The following ELAPOR1 variants were observed in gnomAD, a reference collection of about 807,000 sequenced individuals.
ELAPOR1 encodes endosome-lysosome associated apoptosis and autophagy regulator 1, also known as endosome/lysosome-associated apoptosis and autophagy regulator 1.
Under a neutral mutation model 119.7 loss-of-function variants are expected in ELAPOR1, and 77 were observed. The observed-to-expected ratio is 0.64, with a 90% CI of 0.54 to 0.78. The LOEUF (loss-of-function observed/expected upper bound fraction) is 0.78. ELAPOR1 is among the 30% of genes least tolerant of loss of function. The probability of loss-of-function intolerance (pLI) is 0.00; values close to 1 mark genes in which losing one functional copy is unlikely to be tolerated. For synonymous variants in ELAPOR1, 481 were observed against 487.2 expected (o/e 0.99, Z 0.17); for missense variants, 1,115 against 1,270.4 (o/e 0.88, Z 1.86).
intron 1 of ELAPOR1, among the ~76,000 whole-genome samples, chr1:109,127,215 C>CTT (rs371961969): frequency 4.6e-5 from 6 of 129,040 alleles, no homozygotes; most frequent in African/African-American, 1.1e-4. Context: ...TTTTTCTTTT[C>CTT]TTTTTTTTTT....
chr1:109,162,582 A>C (rs188589310), intron 2 of ELAPOR1, among the ~76,000 whole-genome samples: 83 of 152,292 alleles, frequency 5.5e-4, no homozygotes, highest in Middle Eastern at 3.4e-3. Context: ...ACTTTTCTAC[A>C]ATTGGCAGCT....
intron 1 of ELAPOR1, among the ~76,000 whole-genome samples, chr1:109,131,553 G>A (rs962202141): frequency 6.6e-6 from 1 of 152,118 alleles, no homozygotes. Flanking sequence ...CTCGCAGTGT[G>A]CCAGGTGCTG....
chr1:109,178,011 C>CTTT (rs61317397), intron 7 of ELAPOR1, among the ~76,000 whole-genome samples: 3,147 of 135,686 alleles, frequency 0.023, 161 homozygotes, highest in African/African-American at 0.077. Context: ...TTTTTTCTTT[C>CTTT]TTTTTTTTTT....
intron 8 of ELAPOR1, among the ~76,000 whole-genome samples, chr1:109,186,194 G>T (rs970465296): frequency 6.6e-6 from 1 of 152,060 alleles, no homozygotes; most frequent in South Asian, 2.1e-4. Flanking sequence ...GGAGATGAGG[G>T]AGGAGCCGTG....
intron 1 of ELAPOR1, among the ~76,000 whole-genome samples, chr1:109,136,304 G>A (rs1352407386): frequency 2.6e-5 from 4 of 152,268 alleles, no homozygotes; most frequent in South Asian, 2.1e-4. Context: ...GGACAGAGAC[G>A]AATGCACAGG....
chr1:109,169,198 AG>A (rs1651776835), intron 3 of ELAPOR1, among the ~76,000 whole-genome samples: 1 of 152,130 alleles, frequency 6.6e-6, no homozygotes, highest in Admixed American at 6.6e-5. Flanking sequence ...TGACAAACAC[AG>A]GGGGAAATCT....
Position 109,173,674 on chromosome 1 carries a change from T to G in ELAPOR1, c.803-14T>G, listed in dbSNP as rs1652064458. ...GCTGAATCCTTGCTTTTCTGTGCTCTTCCTCCTCCCTAGGGGTGGCCTACA... is the reference window on the plus strand; with the variant it reads ...GCTGAATCCTTGCTTTTCTGTGCTCGTCCTCCTCCCTAGGGGTGGCCTACA... On this transcript the variant is annotated splice_polypyrimidine_tract_variant and intron_variant, in intron 6 of 21. Coordinates refer to ENST00000369939, the MANE Select transcript of ELAPOR1 (RefSeq NM_020775.5). 1 of 1,613,774 alleles carries G rather than the reference T, an allele frequency of 6.2e-7. No individual in the cohort carries two copies. The highest frequency in any genetic ancestry group is 8.5e-7 in the Non-Finnish European group (1 of 1,179,784).
At chr1:109,189,043 G>T in intron 9 of ELAPOR1, 23 bp from the exon 10 acceptor site, 2 of 1,611,660 alleles carry the variant, frequency 1.2e-6, no homozygotes, top group Non-Finnish European at 1.7e-6. Context: ...CTGAATGCAT[G>T]GATCTTGTTT....
At chr1:109,155,921 T>C (rs373807790) in intron 1 of ELAPOR1, among the ~76,000 whole-genome samples, 1 of 152,204 alleles carries the variant, frequency 6.6e-6, no homozygotes, top group Non-Finnish European at 1.5e-5. Flanking sequence ...AGTGGAAGGA[T>C]TGCTTGAGTC....
intron 1 of ELAPOR1, among the ~76,000 whole-genome samples, chr1:109,156,147 AAT>A (rs1288489607): frequency 2.0e-5 from 3 of 152,004 alleles, no homozygotes; most frequent in Non-Finnish European, 4.4e-5. Flanking sequence ...ACCATCTCTA[AAT>A]ATATATAGAT....
intron 3 of ELAPOR1, among the ~76,000 whole-genome samples, chr1:109,165,313 G>A (rs189072328): frequency 5.9e-5 from 9 of 152,136 alleles, no homozygotes; most frequent in Admixed American, 1.3e-4. Flanking sequence ...CCGGCAGGGC[G>A]CGGTGGCTCA....
chr1:109,117,136 A>G (rs544727571), intron 1 of ELAPOR1, among the ~76,000 whole-genome samples: 10 of 152,208 alleles, frequency 6.6e-5, no homozygotes, highest in Admixed American at 1.3e-4. Flanking sequence ...ATCCCTCTGG[A>G]TGTAATCAGG....
chr1:109,121,155 A>T (rs1299468076), intron 1 of ELAPOR1, among the ~76,000 whole-genome samples: 2 of 151,520 alleles, frequency 1.3e-5, no homozygotes, highest in African/African-American at 4.8e-5. Flanking sequence ...TTTTTTTTCA[A>T]TTTTTTTTGA....
intron 21 of ELAPOR1, among the ~76,000 whole-genome samples, chr1:109,201,866 C>G (rs954108741): frequency 6.6e-6 from 1 of 152,056 alleles, no homozygotes; most frequent in East Asian, 1.9e-4. Flanking sequence ...TTGGGAGGCC[C>G]AGGCTGGAGG....
intron 3 of ELAPOR1, among the ~76,000 whole-genome samples, chr1:109,169,309 G>A (rs1387728635): frequency 2.0e-5 from 3 of 152,032 alleles, no homozygotes; most frequent in African/African-American, 7.3e-5. Context: ...GCACAATCTC[G>A]GCTCACTGCA....
rs766462178 is a variant in ELAPOR1 at position 109,173,707 on chromosome 1, A to G, written c.822A>G (p.Glu274=). ...CCCTAGGGGTGGCCTACACTTCAGAATGCTTCCCCTGCAAACCTGGCACGT... is the reference window on the plus strand; with the variant it reads ...CCCTAGGGGTGGCCTACACTTCAGAGTGCTTCCCCTGCAAACCTGGCACGT... ...IAITGVAYTS[E]CFPCKPGTYA... Residue 274 remains glutamate, a synonymous_variant, in exon 7 of 22, where the codon GAA becomes GAG. Coordinates refer to ENST00000369939, the MANE Select transcript of ELAPOR1 (RefSeq NM_020775.5). The G allele has an allele frequency of 1.2e-6, 2 of 1,614,098 alleles. No individual in the cohort carries two copies. Among genetic ancestry groups the G allele is most frequent in the Non-Finnish European group, 1.7e-6 (2 of 1,180,020 alleles).
intron 1 of ELAPOR1, among the ~76,000 whole-genome samples, chr1:109,157,451 A>G (rs1384297168): frequency 6.6e-6 from 1 of 152,116 alleles, no homozygotes; most frequent in African/African-American, 2.4e-5. Flanking sequence ...CATGGGGAAA[A>G]GGCACTCCCT....
chr1:109,164,321 A>G (rs1240375171), intron 2 of ELAPOR1, among the ~76,000 whole-genome samples, 178 bp from the exon 3 acceptor site: 3 of 152,172 alleles, frequency 2.0e-5, no homozygotes, highest in African/African-American at 7.2e-5. Flanking sequence ...TGCTGAAAAA[A>G]AAATTTTTTT....
chr1:109,172,615 C>A, intron 5 of ELAPOR1, 47 bp downstream of exon 5: 1 of 1,430,178 alleles, frequency 7.0e-7, no homozygotes, highest in South Asian at 1.2e-5. Context: ...AAAAGGGACC[C>A]AGGGCCTTTC....
Sources: allele counts gnomAD v4.1 joint callset (sites outside exome capture counted in the v4.1 genomes callset), GRCh38; gene constraint gnomAD v4.1.1; transcripts MANE v1.5; gene names NCBI Gene and HGNC (gene_info 2026-07-23, HGNC 2026-07-21).